Variants in CLIP1 observed in about 807,000 individuals in gnomAD.
CLIP1 encodes CAP-Gly domain-containing linker protein 1.
In CLIP1, 66 loss-of-function variants were observed where a neutral mutation model predicts 161.6. That is an observed-to-expected ratio of 0.41 (90% CI 0.33 to 0.50). CLIP1 has a LOEUF of 0.50. CLIP1 is among the 20% of genes least tolerant of loss of function. CLIP1 has a pLI of 0.27. For synonymous variants in CLIP1, 598 were observed against 626.2 expected (o/e 0.96, Z 0.67); for missense variants, 1,376 against 1,702.0 (o/e 0.81, Z 3.37).
At chr12:122,394,753 G>A (rs1421547562) in intron 1 of CLIP1, among the ~76,000 whole-genome samples, 2 of 151,562 alleles carry the variant, frequency 1.3e-5, no homozygotes, top group Non-Finnish European at 2.9e-5. Flanking sequence ...GGGTGTGGTG[G>A]TGCGCGCCTG....
intron 1 of CLIP1, among the ~76,000 whole-genome samples, chr12:122,407,241 C>T (rs1195130969): frequency 6.6e-6 from 1 of 152,118 alleles, no homozygotes; most frequent in East Asian, 1.9e-4. Flanking sequence ...CTCATTTTAC[C>T]AACAAGAAAA....
At position 122,341,775 on chromosome 12, in the gene CLIP1, T is replaced by C. The variant is rs1395924746; in HGVS notation, c.1507-78A>G. ...CTATTTTCTTTTCTTTTTTTTTTTT[T>C]TTTTTTTTTTTTTTTTTTTTTTTTT... On this transcript the variant is annotated intron_variant, in intron 10 of 25. Transcript: ENST00000620786. The C allele has an allele frequency of 1.0e-4, 66 of 659,248 alleles. 4 individuals carry two copies. In the African/African-American group the frequency reaches 1.2e-3, roughly 12 times the overall value. The allele number at this position is 659,248 out of a possible 1,614,324, so 40.8% of individuals were successfully genotyped here.
chr12:122,300,064 C>G (rs887070765), intron 20 of CLIP1, among the ~76,000 whole-genome samples: 3 of 152,192 alleles, frequency 2.0e-5, no homozygotes, highest in Non-Finnish European at 4.4e-5. Context: ...TTGAGATCAG[C>G]CTGGGCATCA....
At chr12:122,287,769 CT>C (rs1955916476) in intron 21 of CLIP1, among the ~76,000 whole-genome samples, 1 of 152,076 alleles carries the variant, frequency 6.6e-6, no homozygotes, top group South Asian at 2.1e-4. Flanking sequence ...GTAAGAAAGC[CT>C]TTTAAAGCAA....
intron 21 of CLIP1, among the ~76,000 whole-genome samples, chr12:122,281,293 C>T (rs1038565478): frequency 1.3e-5 from 2 of 152,148 alleles, no homozygotes; most frequent in Non-Finnish European, 2.9e-5. Flanking sequence ...GACATAGGCT[C>T]TTGCTTAGGT....
intron 1 of CLIP1, among the ~76,000 whole-genome samples, chr12:122,383,456 T>C (rs1250451423): frequency 1.3e-5 from 2 of 152,102 alleles, no homozygotes; most frequent in African/African-American, 4.8e-5. Flanking sequence ...CATGTGGTTA[T>C]TACAAACCAA....
chr12:122,341,130 T>C lies in CLIP1; in HGVS notation c.2074A>G (p.Met692Val), dbSNP rs1296854222. The change falls in exon 11 of 26, where the codon ATG (methionine) becomes GTG (valine). Residue 692 changes from methionine (M) to valine (V), a missense_variant. Around this residue, in one of 6 missense-constraint regions of CLIP1, gnomAD observed 948 missense variants for 1,134.8 expected, o/e 0.84. Transcript: ENST00000620786. The stretch of plus-strand genomic sequence containing the variant: ...ATCAGTTTAGCCCTCAAGGCTTCCA[T>C]CTCTTTAGCATGGGCAGCCCGTTCA... ...DSERAAHAKE[M>V]EALRAKLMKV... 6.2e-7 allele frequency: 1 copy of C among 1,614,184 alleles called. No individual in the cohort carries two copies. Among genetic ancestry groups the C allele is most frequent in the South Asian group, 1.1e-5 (1 of 91,074 alleles).
chr12:122,406,202 T>C (rs1956323333), intron 1 of CLIP1, among the ~76,000 whole-genome samples: 1 of 152,182 alleles, frequency 6.6e-6, no homozygotes, highest in African/African-American at 2.4e-5. Context: ...CCCAACACTT[T>C]GGGAGGCCAA....
chr12:122,365,810 C>T (rs769594379), intron 3 of CLIP1, among the ~76,000 whole-genome samples: 1 of 151,388 alleles, frequency 6.6e-6, no homozygotes, highest in Non-Finnish European at 1.5e-5. Context: ...GAGTTCGAGA[C>T]CAGGCTGGAC....
chr12:122,368,363 T>C (rs951663723), intron 3 of CLIP1, among the ~76,000 whole-genome samples: 7 of 152,108 alleles, frequency 4.6e-5, no homozygotes, highest in African/African-American at 1.7e-4. Context: ...CAGAAACAAA[T>C]ACCCTTCCTG....
Position 122,355,431 on chromosome 12 carries a change from G to T in CLIP1, c.1006-119C>A. ...GCAAGGGCGCTGCTCCAGCTGGCAGGCTGGCCAGGATTAGGAAAGGCTTCC... is the reference window on the plus strand; with the variant it reads ...GCAAGGGCGCTGCTCCAGCTGGCAGTCTGGCCAGGATTAGGAAAGGCTTCC... On this transcript the variant is annotated intron_variant, in intron 5 of 25. Coordinates refer to ENST00000620786, the MANE Select transcript of CLIP1 (RefSeq NM_001247997.2). The surrounding 1 kb of genome is among the most constrained non-coding windows in gnomAD (Gnocchi z 4.1). 4.8e-6 allele frequency: 4 copies of T among 833,388 alleles called. No individual in the cohort carries two copies. In the East Asian group the frequency reaches 7.8e-5, roughly 16 times the overall value. The allele number at this position is 833,388 out of a possible 1,614,324, so 51.6% of individuals were successfully genotyped here. A position where few individuals can be genotyped will look rare whatever the true frequency, so the allele number is the denominator to read the frequency against.
intron 10 of CLIP1, among the ~76,000 whole-genome samples, chr12:122,346,835 A>G (rs1224087999): frequency 6.6e-6 from 1 of 152,194 alleles, no homozygotes; most frequent in East Asian, 1.9e-4. Context: ...GAGCGACAGG[A>G]AGGAGGGAGA....
At chr12:122,301,393 G>A (rs532323355) in intron 20 of CLIP1, among the ~76,000 whole-genome samples, 28 of 152,290 alleles carry the variant, frequency 1.8e-4, no homozygotes, top group East Asian at 1.9e-4. Flanking sequence ...AGTCTGGGTC[G>A]GGCGCGGCGG....
upstream of CLIP1, among the ~76,000 whole-genome samples, chr12:122,422,783 CCCGCGCCG>C (rs1382664318): frequency 1.0e-5 from 1 of 99,600 alleles, no homozygotes; most frequent in Non-Finnish European, 2.7e-5. Flanking sequence ...CGCGCCCGGC[CCCGCGCCG>C]CCCCGCCGCC....
At chr12:122,387,567 TATATATATATATATATATATATA>T (rs369423438) in intron 1 of CLIP1, among the ~76,000 whole-genome samples, 7,060 of 20,620 alleles carry the variant, frequency 0.34, 1,021 homozygotes, top group Non-Finnish European at 0.46. Flanking sequence ...TATATATATA[TATATATATATATATATATATATA>T]TTTTTTTTTT....
chr12:122,409,494 T>C (rs1264164513), intron 1 of CLIP1, among the ~76,000 whole-genome samples: 3 of 152,102 alleles, frequency 2.0e-5, no homozygotes, highest in Non-Finnish European at 4.4e-5. Context: ...TACAACCACC[T>C]TAGATGCTGT....
Position 122,311,941 on chromosome 12 carries a change from C to T in CLIP1, c.3474-2059G>A, listed in dbSNP as rs545839578. Among the ~76,000 whole-genome samples, 4 of 152,150 alleles carry T rather than the reference C, an allele frequency of 2.6e-5. No individual in the cohort carries two copies. Among genetic ancestry groups the T allele is most frequent in the African/African-American group, 7.2e-5 (3 of 41,432 alleles). ...CTTCAGTCGTGGTTCAGATATAGAG[C>T]ACTTTGTTTTTTCTTTAGTGGGTAG... On this transcript the variant is annotated intron_variant, in intron 19 of 25. Transcript: ENST00000620786. This position sits in a 1 kb window ranked among gnomAD's most constrained non-coding sequence, Gnocchi z 4.3.
intron 1 of CLIP1, among the ~76,000 whole-genome samples, chr12:122,404,028 A>G (rs538112816): frequency 5.3e-5 from 8 of 152,336 alleles, no homozygotes; most frequent in Non-Finnish European, 1.2e-4. Context: ...CATGCACTCC[A>G]AGGTAGAATA....
At chr12:122,337,373 G>A (rs1438136497) in intron 11 of CLIP1, among the ~76,000 whole-genome samples, 2 of 151,466 alleles carry the variant, frequency 1.3e-5, no homozygotes, top group Non-Finnish European at 2.9e-5. Context: ...CTTGAGCCTG[G>A]GAGGCGGAGG....
Sources: gnomAD v4.1 joint callset for allele counts (sites outside exome capture counted in the v4.1 genomes callset) on GRCh38, gnomAD v4.1.1 for gene constraint, gnomAD v4.1.1 regional missense constraint, Gnocchi (gnomAD v3.1) non-coding constraint, MANE v1.5 for transcripts, NCBI Gene and HGNC (gene_info 2026-07-23, HGNC 2026-07-21) for gene names.